ABCB11: variants seen among roughly 807,000 people sequenced by gnomAD.
ABCB11 encodes the protein ATP binding cassette subfamily B member 11.
ABCB11 carries 95 observed loss-of-function variants against 148.0 expected under a neutral mutation model. The observed-to-expected ratio is 0.64, with a 90% CI of 0.54 to 0.76. ABCB11 has a LOEUF of 0.76. Ranked by LOEUF, ABCB11 falls within the 30% of genes least tolerant of loss-of-function variation. The pLI is 0.00. For missense variants in ABCB11, 1,523 were observed against 1,617.8 expected (o/e 0.94, Z 1.01); for synonymous variants, 591 against 555.4 (o/e 1.06, Z -0.90).
intron 23 of ABCB11, among the ~76,000 whole-genome samples, chr2:168,934,522 C>T (rs1404241732): frequency 3.3e-5 from 5 of 152,156 alleles, no homozygotes; most frequent in Admixed American, 2.6e-4. Context: ...TTTGGCTATA[C>T]GAATGGAACA....
intron 5 of ABCB11, among the ~76,000 whole-genome samples, chr2:169,011,662 C>T (rs1695191633): frequency 2.6e-5 from 4 of 152,058 alleles, no homozygotes; most frequent in Non-Finnish European, 1.5e-5. Flanking sequence ...TTAAGCTTCA[C>T]ACAGATAGGG....
At chr2:169,014,396 A>G (rs1213747794) in intron 3 of ABCB11, 42 bp from the exon 4 acceptor site, 7 of 1,567,896 alleles carry the variant, frequency 4.5e-6, no homozygotes, top group South Asian at 2.3e-5. Flanking sequence ...ACCCTTTCCA[A>G]TACAATGGGA....
At chr2:168,935,766 T>C (rs553159012) in intron 22 of ABCB11, among the ~76,000 whole-genome samples, 3 of 152,352 alleles carry the variant, frequency 2.0e-5, no homozygotes, top group Admixed American at 6.5e-5. Flanking sequence ...TTCATAATTC[T>C]GGTTGGGAAA....
At position 168,969,376 on chromosome 2, in the gene ABCB11, T is replaced by A. The variant is rs749311315; in HGVS notation, c.1985A>T (p.Gln662Leu). ...TLVTLQSQGN[Q>L]ALNEEDIKDA... ...CTTTATGTCCTCTTCATTAAGAGCT[T>A]GATTTCCCTGGCTTTGCAAAGTCAC... The change falls in exon 16 of 28, where the codon CAA (glutamine) becomes CTA (leucine). Residue 662 changes from glutamine to leucine, a missense_variant. Gln to Leu is a moderately radical substitution (Grantham distance 113). Coordinates refer to ENST00000650372, the MANE Select transcript of ABCB11 (RefSeq NM_003742.4). The A allele has an allele frequency of 1.9e-6, 3 of 1,612,370 alleles. No individual in the cohort carries two copies. The East Asian group carries it at 6.7e-5, about 36-fold the overall frequency.
At chr2:169,030,302 G>A (rs575620367) in intron 1 of ABCB11, among the ~76,000 whole-genome samples, 2 of 152,042 alleles carry the variant, frequency 1.3e-5, no homozygotes, top group African/African-American at 2.4e-5. Flanking sequence ...CAGGGAAATG[G>A]AGGCTTCAAC....
intron 1 of ABCB11, among the ~76,000 whole-genome samples, chr2:169,025,975 G>A (rs12611596): frequency 0.68 from 103,218 of 152,092 alleles, 35,342 homozygotes; most frequent in East Asian, 0.81. Flanking sequence ...GTTCTAAATT[G>A]GATGCTGTTA....
chr2:169,001,112 C>A (rs1357921222), intron 5 of ABCB11, among the ~76,000 whole-genome samples: 1 of 152,148 alleles, frequency 6.6e-6, no homozygotes, highest in Non-Finnish European at 1.5e-5. Context: ...TTACATACCT[C>A]TACTCTCCTT....
chr2:168,940,943 A>G (rs1321354652), intron 21 of ABCB11, among the ~76,000 whole-genome samples: 1 of 152,084 alleles, frequency 6.6e-6, no homozygotes, highest in East Asian at 1.9e-4. Flanking sequence ...TTTTTTGAAT[A>G]TTTTAAGCCA....
chr2:168,980,263 A>G (rs1047988821), intron 10 of ABCB11, among the ~76,000 whole-genome samples: 40 of 152,188 alleles, frequency 2.6e-4, no homozygotes, highest in Non-Finnish European at 4.4e-4. Context: ...AAGTCTAAGC[A>G]AGGTAGCCTG....
intron 25 of ABCB11, among the ~76,000 whole-genome samples, chr2:168,927,658 C>T (rs958292723): frequency 1.3e-5 from 2 of 152,124 alleles, no homozygotes; most frequent in African/African-American, 4.8e-5. Flanking sequence ...GAAACAACGT[C>T]CCCTTACTTT....
intron 14 of ABCB11, 35 bp downstream of exon 14, chr2:168,971,812 C>T: frequency 6.3e-7 from 1 of 1,598,018 alleles, no homozygotes; most frequent in Non-Finnish European, 8.6e-7. Context: ...TCTATGACCT[C>T]TTAGTTTCTC....
intron 19 of ABCB11, among the ~76,000 whole-genome samples, chr2:168,945,653 G>A (rs1692274081): frequency 7.2e-6 from 1 of 138,940 alleles, no homozygotes. Flanking sequence ...AGTTATGAAG[G>A]AAAAAGGGAA....
rs1262966031 is a variant in ABCB11 at position 168,990,504 on chromosome 2, T to C, written c.908+297A>G. Among the ~76,000 whole-genome samples, 4 of 152,260 alleles carry C rather than the reference T, an allele frequency of 2.6e-5. No homozygotes were observed. The South Asian group carries it at 8.3e-4, about 32-fold the overall frequency. ...CAGCAAACAGCATTATAGACTGATA[T>C]GAGGTATAATATTTATACATACATA... is the stretch of plus-strand genomic sequence containing the variant. On this transcript the variant is annotated intron_variant, in intron 9 of 27. Transcript: ENST00000650372.
At chr2:168,972,094 G>T in intron 13 of ABCB11, 44 bp from the exon 14 acceptor site, 1 of 1,566,630 alleles carries the variant, frequency 6.4e-7, no homozygotes, top group Non-Finnish European at 8.7e-7. Flanking sequence ...GAATCTTTCA[G>T]GGTTCTGAAT....
intron 1 of ABCB11, among the ~76,000 whole-genome samples, chr2:169,018,393 T>C (rs1695429279): frequency 6.6e-6 from 1 of 152,210 alleles, no homozygotes; most frequent in Admixed American, 6.5e-5. Context: ...TATAGCTTAA[T>C]TATAGGAAAG....
intron 23 of ABCB11, among the ~76,000 whole-genome samples, chr2:168,932,881 G>A (rs572142953): frequency 2.0e-5 from 3 of 152,100 alleles, no homozygotes; most frequent in South Asian, 2.1e-4. Flanking sequence ...AGGCCGAGGC[G>A]GGCGGATCAC....
At chr2:168,971,736 T>A in intron 14 of ABCB11, 111 bp downstream of exon 14, 1 of 1,037,530 alleles carries the variant, frequency 9.6e-7, no homozygotes, top group Non-Finnish European at 1.4e-6. Context: ...AAAACATGGC[T>A]TAAGAATTTA....
chr2:168,976,372 G>T (rs561595489), intron 12 of ABCB11, among the ~76,000 whole-genome samples: 1 of 152,044 alleles, frequency 6.6e-6, no homozygotes, highest in Non-Finnish European at 1.5e-5. Context: ...CCAACCAGGG[G>T]ATTTGCACAT....
chr2:168,981,917 A>C (rs1030811522), intron 10 of ABCB11, among the ~76,000 whole-genome samples: 1 of 152,138 alleles, frequency 6.6e-6, no homozygotes, highest in African/African-American at 2.4e-5. Flanking sequence ...TGTCGACCAT[A>C]GTTTGCTGAC....
Sources: allele counts gnomAD v4.1 joint callset (sites outside exome capture counted in the v4.1 genomes callset), GRCh38; gene constraint gnomAD v4.1.1; transcripts MANE v1.5; gene names NCBI Gene and HGNC (gene_info 2026-07-23, HGNC 2026-07-21).